Variants in LINGO2 observed in about 807,000 individuals in gnomAD.
LINGO2 encodes leucine rich repeat and Ig domain containing 2.
In LINGO2, 14 loss-of-function variants were observed where a neutral mutation model predicts 30.6. The observed-to-expected ratio is 0.46, with a 90% CI of 0.30 to 0.72. The LOEUF (loss-of-function observed/expected upper bound fraction) is 0.72, where lower values mean the gene tolerates loss of function less well. LINGO2 is among the 30% of genes least tolerant of loss of function. The pLI, the probability that LINGO2 is intolerant of heterozygous loss-of-function variation, is 0.07. For missense variants in LINGO2, 729 were observed against 751.7 expected (o/e 0.97, Z 0.35); for synonymous variants, 317 against 288.5 (o/e 1.10, Z -1.00).
chr9:28,061,363 A>T (rs1043440200), intron 4 of LINGO2, among the ~76,000 whole-genome samples: 2 of 151,738 alleles, frequency 1.3e-5, no homozygotes, highest in Admixed American at 6.6e-5. Flanking sequence ...ATACCCATGT[A>T]ACATAACTAC....
At chr9:29,202,967 A>G in the LINGO2 span, among the ~76,000 whole-genome samples, 1 of 152,124 alleles carries the variant, frequency 6.6e-6, no homozygotes, top group Non-Finnish European at 1.5e-5. Context: ...TATTTCATCA[A>G]TCTTGTTCAC....
chr9:29,019,870 C>T, the LINGO2 span, among the ~76,000 whole-genome samples: 1 of 151,932 alleles, frequency 6.6e-6, no homozygotes, highest in South Asian at 2.1e-4. Flanking sequence ...GTACAAAGAT[C>T]GAATCATATT....
chr9:28,724,062 A>T, the LINGO2 span, among the ~76,000 whole-genome samples: 1 of 152,168 alleles, frequency 6.6e-6, no homozygotes, highest in Non-Finnish European at 1.5e-5. Flanking sequence ...AAAGAAGATA[A>T]ATTAAGGCTA....
At chr9:28,986,290 G>C in the LINGO2 span, among the ~76,000 whole-genome samples, 3,209 of 151,960 alleles carry the variant, frequency 0.021, 97 homozygotes, top group African/African-American at 0.072. Flanking sequence ...CATTATAATA[G>C]TTTAAATTCA....
At chr9:29,169,585 A>G in the LINGO2 span, among the ~76,000 whole-genome samples, 1 of 152,252 alleles carries the variant, frequency 6.6e-6, no homozygotes, top group East Asian at 1.9e-4. Flanking sequence ...GTAAGATACT[A>G]TCTCACACCA....
At chr9:28,507,375 G>A (rs181197881) in intron 1 of LINGO2, among the ~76,000 whole-genome samples, 5 of 152,208 alleles carry the variant, frequency 3.3e-5, no homozygotes, top group East Asian at 1.9e-4. Context: ...AAACTGGAGC[G>A]GTGATGAAGA....
chr9:29,193,866 C>G, the LINGO2 span, among the ~76,000 whole-genome samples: 1 of 152,204 alleles, frequency 6.6e-6, no homozygotes, highest in Non-Finnish European at 1.5e-5. Context: ...GGCCATGCAC[C>G]CATGCATCCA....
intron 3 of LINGO2, among the ~76,000 whole-genome samples, chr9:28,324,903 C>G (rs1180332732): frequency 6.6e-6 from 1 of 152,126 alleles, no homozygotes; most frequent in African/African-American, 2.4e-5. Context: ...GCCTCAAATT[C>G]TTTCTTGCAC....
intron 4 of LINGO2, among the ~76,000 whole-genome samples, chr9:28,222,299 A>G (rs184741627): frequency 6.6e-6 from 1 of 152,326 alleles, no homozygotes; most frequent in East Asian, 1.9e-4. Flanking sequence ...TAATTTAAAT[A>G]GTGCATGAAA....
At chr9:28,258,096 TA>T (rs1214380122) in intron 4 of LINGO2, among the ~76,000 whole-genome samples, 11 of 151,970 alleles carry the variant, frequency 7.2e-5, no homozygotes, top group African/African-American at 2.7e-4. Flanking sequence ...TCTTTGCTAA[TA>T]AATGATGAGG....
At chr9:27,966,352 T>C (rs886538113) in intron 5 of LINGO2, among the ~76,000 whole-genome samples, 1 of 152,060 alleles carries the variant, frequency 6.6e-6, no homozygotes, top group African/African-American at 2.4e-5. Context: ...AGCTATGAAA[T>C]ACATGCCTCA....
chr9:28,055,978 C>T (rs1226833564), intron 4 of LINGO2, among the ~76,000 whole-genome samples: 1 of 152,098 alleles, frequency 6.6e-6, no homozygotes, highest in East Asian at 1.9e-4. Flanking sequence ...ATTGTTACTA[C>T]TTGAGACCTT....
At chr9:28,766,190 A>T in the LINGO2 span, among the ~76,000 whole-genome samples, 4,748 of 152,158 alleles carry the variant, frequency 0.031, 128 homozygotes, top group Non-Finnish European at 0.046. Context: ...TTTGCAAACC[A>T]TATATCTGAT....
chr9:28,504,160 A>G (rs930030861), intron 1 of LINGO2, among the ~76,000 whole-genome samples: 2 of 151,888 alleles, frequency 1.3e-5, no homozygotes, highest in African/African-American at 4.8e-5. Context: ...TTAATTCCTC[A>G]ACTTCAAAAA....
At chr9:27,990,735 C>T (rs1377088526) in intron 5 of LINGO2, among the ~76,000 whole-genome samples, 3 of 151,996 alleles carry the variant, frequency 2.0e-5, no homozygotes. Context: ...CCCAGGTCTG[C>T]CTGACACAAA....
the LINGO2 span, among the ~76,000 whole-genome samples, chr9:28,914,203 TACAA>T: frequency 6.6e-6 from 1 of 152,118 alleles, no homozygotes; most frequent in Non-Finnish European, 1.5e-5. Flanking sequence ...CATTTGTGTA[TACAA>T]ACAGATAGCA....
intron 4 of LINGO2, among the ~76,000 whole-genome samples, chr9:28,260,777 C>T (rs914032973): frequency 6.6e-6 from 1 of 151,900 alleles, no homozygotes; most frequent in Admixed American, 6.6e-5. Context: ...ATAAATAATG[C>T]CTTACCTTAG....
At chr9:27,968,148 A>G (rs1820188416) in intron 5 of LINGO2, among the ~76,000 whole-genome samples, 1 of 152,118 alleles carries the variant, frequency 6.6e-6, no homozygotes, top group African/African-American at 2.4e-5. Context: ...GAGATGAGCA[A>G]ATGCAATACT....
At chr9:28,213,327 G>A (rs1312207756) in intron 4 of LINGO2, among the ~76,000 whole-genome samples, 1 of 151,356 alleles carries the variant, frequency 6.6e-6, no homozygotes, top group African/African-American at 2.4e-5. Flanking sequence ...AACAAGGCAG[G>A]ATAGATGGTA....
Sources: allele counts gnomAD v4.1 joint callset (sites outside exome capture counted in the v4.1 genomes callset), GRCh38; gene constraint gnomAD v4.1.1; transcripts MANE v1.5; gene names NCBI Gene and HGNC (gene_info 2026-07-23, HGNC 2026-07-21).